The following MARCHF3 variants were observed in gnomAD, a reference collection of about 807,000 sequenced individuals.
The protein encoded by MARCHF3 is membrane associated ring-CH-type finger 3, also known as E3 ubiquitin-protein ligase MARCHF3.
Under a neutral mutation model 24.2 loss-of-function variants are expected in MARCHF3, and 13 were observed. The observed-to-expected ratio is 0.54, with a 90% CI of 0.35 to 0.85. The LOEUF (loss-of-function observed/expected upper bound fraction) is 0.85. Ranked by LOEUF, MARCHF3 falls within the 40% of genes least tolerant of loss-of-function variation. The probability of loss-of-function intolerance (pLI) is 0.01; values close to 1 mark genes in which losing one functional copy is unlikely to be tolerated. For synonymous variants in MARCHF3, 144 were observed against 137.3 expected, an observed-to-expected ratio of 1.05 and a Z score of -0.34; for missense variants, 276 against 325.0, an observed-to-expected ratio of 0.85 and a Z score of 1.16.
rs993354308 is a variant in MARCHF3 at position 126,878,389 on chromosome 5, C to G, written c.399G>C (p.Leu133=). 9 of 1,611,214 alleles carry G rather than the reference C, an allele frequency of 5.6e-6. No individual in the cohort carries two copies. In the African/African-American group the frequency reaches 1.1e-4, roughly 19 times the overall value. ...ERKPRPLVEW[L]RNPGPQHEKR... is the part of the protein sequence containing the mutation. The stretch of plus-strand genomic sequence containing the variant: ...TCTCATGCTGGGGGCCAGGGTTTCT[C>G]AGCCACTGCCAGGTAAAGGGAGACA... Residue 133 remains leucine, a synonymous_variant, in exon 4 of 5, where the codon CTG becomes CTC. Transcript: ENST00000308660.
chr5:126,951,878 C>G (rs182888399), intron 1 of MARCHF3, among the ~76,000 whole-genome samples: 128 of 152,046 alleles, frequency 8.4e-4, no homozygotes, highest in Non-Finnish European at 8.8e-5. Flanking sequence ...CAGAGTTTCA[C>G]TTTTGTTGCC....
At chr5:126,895,530 A>C (rs1019209267) in intron 3 of MARCHF3, among the ~76,000 whole-genome samples, 1 of 152,082 alleles carries the variant, frequency 6.6e-6, no homozygotes, top group Non-Finnish European at 1.5e-5. Context: ...TCCTTCTGAC[A>C]GACAGGACCC....
intron 1 of MARCHF3, among the ~76,000 whole-genome samples, chr5:126,960,783 T>G (rs1750614403): frequency 6.6e-6 from 1 of 151,948 alleles, no homozygotes; most frequent in Non-Finnish European, 1.5e-5. Context: ...TCTAGCAGTG[T>G]GGCAAATACC....
intron 3 of MARCHF3, among the ~76,000 whole-genome samples, chr5:126,902,322 A>T (rs1477081978): frequency 6.6e-6 from 1 of 152,080 alleles, no homozygotes; most frequent in Admixed American, 6.6e-5. Context: ...ACATAGATTA[A>T]AATGAACATG....
intron 1 of MARCHF3, among the ~76,000 whole-genome samples, chr5:126,931,779 A>T (rs1480128784): frequency 6.6e-6 from 1 of 152,226 alleles, no homozygotes; most frequent in African/African-American, 2.4e-5. Context: ...GGAATAGTCA[A>T]CTGGACTAGA....
intron 1 of MARCHF3, among the ~76,000 whole-genome samples, chr5:127,002,563 G>T (rs1005137054): frequency 6.6e-6 from 1 of 152,174 alleles, no homozygotes; most frequent in East Asian, 1.9e-4. Context: ...AGTTACCATG[G>T]TTACTTAGGG....
intron 1 of MARCHF3, among the ~76,000 whole-genome samples, chr5:127,020,311 T>C (rs1341227048): frequency 6.6e-6 from 1 of 152,190 alleles, no homozygotes; most frequent in African/African-American, 2.4e-5. Flanking sequence ...CAAAAACAGC[T>C]TCACACTGTT....
chr5:126,939,805 C>T (rs1749769365), intron 1 of MARCHF3, among the ~76,000 whole-genome samples: 1 of 152,138 alleles, frequency 6.6e-6, no homozygotes, highest in African/African-American at 2.4e-5. Flanking sequence ...CCAATCAATA[C>T]ATAACCTTGT....
intron 3 of MARCHF3, among the ~76,000 whole-genome samples, chr5:126,897,585 G>T (rs1006137963): frequency 5.3e-5 from 8 of 152,100 alleles, no homozygotes; most frequent in Middle Eastern, 6.3e-3. Flanking sequence ...CAAAAATTCA[G>T]ATAATATAAA....
intron 1 of MARCHF3, among the ~76,000 whole-genome samples, chr5:127,007,680 A>T (rs1020834894): frequency 1.3e-5 from 2 of 152,132 alleles, no homozygotes; most frequent in African/African-American, 4.8e-5. Context: ...AGCTTATTTT[A>T]TGATAAAGTA....
intron 1 of MARCHF3, among the ~76,000 whole-genome samples, chr5:126,939,821 C>T (rs750346118): frequency 1.6e-4 from 24 of 152,098 alleles, no homozygotes; most frequent in Non-Finnish European, 2.8e-4. Flanking sequence ...CTTGTTTATG[C>T]GGGTCTCTGC....
chr5:126,898,824 A>G, intron 3 of MARCHF3: 1 of 975,708 alleles, frequency 1.0e-6, no homozygotes, highest in Non-Finnish European at 1.2e-6. Context: ...TTCTATTTAT[A>G]ATAGCATCGC....
At chr5:127,004,217 G>C (rs1752230957) in intron 1 of MARCHF3, among the ~76,000 whole-genome samples, 1 of 152,102 alleles carries the variant, frequency 6.6e-6, no homozygotes, top group African/African-American at 2.4e-5. Flanking sequence ...TCTATATATA[G>C]CAATGAATGA....
In MARCHF3 at chr5:126,869,804, T is replaced by C. The variant is rs1034317014; in HGVS notation, c.*829A>G. The C allele has an allele frequency of 6.6e-6, 1 of 152,406 alleles. No homozygotes were observed. The allele number at this position is 152,406 out of a possible 1,614,324, so 9.4% of individuals were successfully genotyped here. ...CCTTTTTTTCCTTTTAAAACCTGCT[T>C]TGGGAAACTTCACAGGTTTTATCAT... On this transcript the variant is annotated 3_prime_UTR_variant, in exon 5 of 5. Transcript: ENST00000308660.
intron 4 of MARCHF3, among the ~76,000 whole-genome samples, chr5:126,872,411 A>T (rs888054271): frequency 1.3e-5 from 2 of 152,264 alleles, no homozygotes; most frequent in East Asian, 3.9e-4. Context: ...TTAAACCTGT[A>T]GTCTGTTTTG....
intron 1 of MARCHF3, among the ~76,000 whole-genome samples, chr5:126,945,867 C>A (rs554850538): frequency 1.3e-5 from 2 of 152,184 alleles, no homozygotes; most frequent in Non-Finnish European, 2.9e-5. Context: ...GTGCTTAGCA[C>A]AATGTTTGGC....
At chr5:126,901,958 C>A (rs1754119609) in intron 3 of MARCHF3, among the ~76,000 whole-genome samples, 1 of 152,116 alleles carries the variant, frequency 6.6e-6, no homozygotes, top group Non-Finnish European at 1.5e-5. Flanking sequence ...TCCACCACCC[C>A]AACACCCATG....
chr5:126,995,675 A>G (rs1054423216), intron 1 of MARCHF3, among the ~76,000 whole-genome samples: 1 of 152,196 alleles, frequency 6.6e-6, no homozygotes, highest in Admixed American at 6.5e-5. Context: ...CATGACCATT[A>G]TGTACTGTCT....
intron 1 of MARCHF3, among the ~76,000 whole-genome samples, chr5:126,947,431 G>A (rs1410440599): frequency 6.6e-6 from 1 of 152,188 alleles, no homozygotes; most frequent in African/African-American, 2.4e-5. Context: ...TGAACAAGAG[G>A]AGCACAGAGG....
Sources: allele counts gnomAD v4.1 joint callset (sites outside exome capture counted in the v4.1 genomes callset), GRCh38; gene constraint gnomAD v4.1.1; transcripts MANE v1.5; gene names NCBI Gene and HGNC (gene_info 2026-07-23, HGNC 2026-07-21).